The following MYO1A variants were observed in gnomAD, a reference collection of about 807,000 sequenced individuals.
MYO1A encodes the protein unconventional myosin-Ia.
Under a neutral mutation model 138.5 loss-of-function variants are expected in MYO1A, and 127 were observed. The observed-to-expected ratio is 0.92, with a 90% CI of 0.79 to 1.06. MYO1A has a LOEUF of 1.06. MYO1A is among the 50% of genes least tolerant of loss of function. The pLI is 0.00. For missense variants in MYO1A, 1,211 were observed against 1,288.8 expected, an observed-to-expected ratio of 0.94 and a Z score of 0.92; for synonymous variants, 477 against 497.5, an observed-to-expected ratio of 0.96 and a Z score of 0.55.
intron 22 of MYO1A, among the ~76,000 whole-genome samples, chr12:57,032,807 G>A (rs1289199644): frequency 6.6e-6 from 1 of 152,160 alleles, no homozygotes; most frequent in East Asian, 1.9e-4. Flanking sequence ...AACACCATTG[G>A]AGAATTTATA....
rs778478106 is a variant in MYO1A at position 57,048,246 on chromosome 12, C to A, written c.78G>T (p.Lys26Asn). ...TGTTTTCATAGCGAAGCTGAAGATT[C>A]TTGAGCAGTGACTCCTCCACCAAGG... ...LEPLVEESLL[K>N]NLQLRYENKE... is the part of the protein sequence containing the mutation. The change falls in exon 2 of 28, where the codon AAG becomes AAT. Residue 26 changes from lysine (K) to asparagine (N), a missense_variant. Physicochemically the swap from Lys to Asn is moderately conservative, Grantham distance 94. Transcript: ENST00000300119. 56 of 1,614,086 alleles carry A rather than the reference C, an allele frequency of 3.5e-5. 1 individual carries two copies. In the Admixed American group the frequency reaches 7.2e-4, roughly 21 times the overall value.
intron 6 of MYO1A, 23 bp from the exon 7 acceptor site, chr12:57,046,949 G>A (rs532746442): frequency 1.9e-6 from 3 of 1,613,306 alleles, no homozygotes; most frequent in South Asian, 2.2e-5. Context: ...ACCAGAGAGA[G>A]AGACTTAGCT....
intron 8 of MYO1A, 143 bp from the exon 9 acceptor site, chr12:57,044,352 C>G (rs2031000880): frequency 7.0e-6 from 5 of 714,434 alleles, no homozygotes; most frequent in Non-Finnish European, 5.0e-6. Flanking sequence ...TCCCCTGCCT[C>G]CTTTGTTTTG....
Position 57,047,091 on chromosome 12 carries a change from C to A in MYO1A, c.447G>T (p.Lys149Asn), listed in dbSNP as rs754193198. Residue 149 changes from lysine to asparagine, a missense_variant, in exon 6 of 28, where the codon AAG becomes AAT. Physicochemically the swap from Lys to Asn is moderately conservative, Grantham distance 94 (BLOSUM62 0). Transcript: ENST00000300119. The part of the protein sequence containing the change: ...NPVLEAFGNA[K>N]TIRNNNSSRF... ...GGGAGGAATTGTTGTTGCGAATGGT[C>A]TTGGCATTGCCAAAAGCTACAGAGA... is the stretch of plus-strand genomic sequence containing the variant. The A allele has an allele frequency of 9.9e-6, 16 of 1,614,064 alleles. No homozygotes were observed. The African/African-American group carries it at 1.6e-4, about 16-fold the overall frequency.
At chr12:57,031,687 A>AGAGCTTCAGAGCCCCC (rs2030295989) in intron 22 of MYO1A, among the ~76,000 whole-genome samples, 3 of 152,230 alleles carry the variant, frequency 2.0e-5, no homozygotes, top group African/African-American at 7.2e-5. Flanking sequence ...GAAGAGGCCC[A>AGAGCTTCAGAGCCCCC]GAGCTTCAGA....
chr12:57,037,359 C>T (rs1056723300), intron 19 of MYO1A, among the ~76,000 whole-genome samples, 189 bp downstream of exon 19: 16 of 152,198 alleles, frequency 1.1e-4, no homozygotes, highest in African/African-American at 3.6e-4. Context: ...CCAAGCTCCC[C>T]AGGCTCAGGG....
rs969552866 is a variant in MYO1A, at chr12:57,041,234, C to T, written c.1219G>A (p.Val407Met). The T allele has an allele frequency of 6.2e-6, 10 of 1,613,896 alleles. No homozygotes were observed. The highest frequency in any genetic ancestry group is 8.5e-6 in the Non-Finnish European group (10 of 1,180,036). Reference protein sequence around the residue: ...INYCNEKLQQVFIEMTLKEEQ... With the variant: ...INYCNEKLQQMFIEMTLKEEQ... ...TCTTTCAGGGTCATCTCTATGAACA[C>T]CTGCTGCAGCTTCTCATTGCAGTAG... Residue 407 changes from valine to methionine, a missense_variant, in exon 14 of 28, where the codon GTG (valine) becomes ATG (methionine). By Grantham distance (21) the Val-to-Met change is conservative. Transcript: ENST00000300119.
At chr12:57,047,758 C>G (rs1260359786) in intron 3 of MYO1A, 37 bp from the exon 4 acceptor site, 2 of 1,612,668 alleles carry the variant, frequency 1.2e-6, no homozygotes, top group African/African-American at 2.7e-5. Context: ...TATTGTGAAA[C>G]CAGTTCAAGA....
rs1297598229 is a variant in MYO1A at position 57,038,394 on chromosome 12, T to C, written c.1760+18A>G. Reference sequence around the variant, plus strand: ...CCATCACATATGTAGCATGTTCCCCTGCATGCCAGCATGTCACCTGATGTA... The same window carrying C: ...CCATCACATATGTAGCATGTTCCCCCGCATGCCAGCATGTCACCTGATGTA... On this transcript the variant is annotated intron_variant, in intron 17 of 27. Coordinates refer to ENST00000300119, the MANE Select transcript of MYO1A (RefSeq NM_005379.4). The C allele has an allele frequency of 6.2e-7, 1 of 1,612,728 alleles. No homozygotes were observed. Among genetic ancestry groups the C allele is most frequent in the Admixed American group, 1.7e-5 (1 of 60,028 alleles).
intron 14 of MYO1A, 38 bp from the exon 15 acceptor site, chr12:57,039,312 C>A: frequency 7.8e-6 from 12 of 1,529,162 alleles, no homozygotes; most frequent in Non-Finnish European, 1.1e-5. Flanking sequence ...GGAACACGTC[C>A]AAGACAAGCC....
intron 8 of MYO1A, 117 bp from the exon 9 acceptor site, chr12:57,044,326 T>C: frequency 1.2e-6 from 1 of 845,140 alleles, no homozygotes; most frequent in Non-Finnish European, 1.9e-6. Context: ...AAGGAGTCAT[T>C]TTTGTTTTGG....
chr12:57,043,090 T>G lies in MYO1A; in HGVS notation c.1080A>C (p.Arg360=). The part of the protein sequence containing the change: ...YSRLFDWIVN[R]INESIKVGIG... ...CACTTGCCTTGATGCTCTCATTGATTCGATTCACTATCCAGTCAAAGAGGC... is the reference window on the plus strand; with the variant it reads ...CACTTGCCTTGATGCTCTCATTGATGCGATTCACTATCCAGTCAAAGAGGC... The change falls in exon 12 of 28, where the codon CGA becomes CGC. Residue 360 remains arginine (R), a synonymous_variant. Coordinates refer to ENST00000300119, the MANE Select transcript of MYO1A (RefSeq NM_005379.4). 6.2e-7 allele frequency: 1 copy of G among 1,614,152 alleles called. No individual in the cohort carries two copies. Among genetic ancestry groups the G allele is most frequent in the Admixed American group, 1.7e-5 (1 of 60,024 alleles).
At position 57,037,854 on chromosome 12, in the gene MYO1A, C is replaced by T. The variant is rs372688253; in HGVS notation, c.1961+15G>A. 6.2e-7 allele frequency: 1 copy of T among 1,613,412 alleles called. No homozygotes were observed. Among genetic ancestry groups the T allele is most frequent in the East Asian group, 2.2e-5 (1 of 44,852 alleles). ...CTGCCCTTTCCTGATGCCCAGTCTC[C>T]CCATGGGGTCTTACCGGTCTCCCCC... is the stretch of plus-strand genomic sequence containing the variant. On this transcript the variant is annotated intron_variant, in intron 18 of 27. Coordinates refer to ENST00000300119, the MANE Select transcript of MYO1A (RefSeq NM_005379.4).
Position 57,029,845 on chromosome 12 carries a change from G to T in MYO1A, c.2619C>A (p.Tyr873Ter), listed in dbSNP as rs1309695201. ...QSVPIPFCGD[Y>*]IGLQGNPKLQ... is the part of the protein sequence containing the mutation. Reference sequence around the variant, plus strand: ...GCTTGGGGTTCCCTTGCAGCCCAATGTAGTCACCACAGAATGGAATGGGGA... The same window carrying T: ...GCTTGGGGTTCCCTTGCAGCCCAATTTAGTCACCACAGAATGGAATGGGGA... The change falls in exon 25 of 28, where the codon TAC (tyrosine) becomes TAA (stop). Residue 873 changes from tyrosine (Y) to a stop codon, truncating the protein, a stop_gained. Transcript: ENST00000300119. LOFTEE classifies it high-confidence loss of function. 3.5e-5 allele frequency: 57 copies of T among 1,614,062 alleles called. No homozygotes were observed. The highest frequency in any genetic ancestry group is 4.2e-5 in the Non-Finnish European group (50 of 1,180,046).
chr12:57,030,512 G>C (rs2030226725), intron 23 of MYO1A, among the ~76,000 whole-genome samples, 196 bp from the exon 24 acceptor site: 1 of 152,154 alleles, frequency 6.6e-6, no homozygotes, highest in Admixed American at 6.5e-5. Flanking sequence ...GAGGCTAGGG[G>C]AGGGAATGGA....
intron 16 of MYO1A, 58 bp downstream of exon 16, chr12:57,038,751 C>T: frequency 6.2e-7 from 1 of 1,611,278 alleles, no homozygotes; most frequent in Non-Finnish European, 8.5e-7. Context: ...GTTCCTCCCC[C>T]ATTGACTTCA....
At chr12:57,030,071 A>C in intron 24 of MYO1A, 139 bp downstream of exon 24, 1 of 1,216,008 alleles carries the variant, frequency 8.2e-7, no homozygotes, top group Non-Finnish European at 1.2e-6. Context: ...TCCTCACCCC[A>C]AGACCTGCTG....
chr12:57,039,301 G>T lies in MYO1A; in HGVS notation c.1270-27C>A, dbSNP rs558431599. ...TGGTCAGGGGAGACAACAAATTACA[G>T]GGAACACGTCCAAGACAAGCCTCCA... On this transcript the variant is annotated intron_variant, in intron 14 of 27. Transcript: ENST00000300119. The T allele has an allele frequency of 2.1e-5, 34 of 1,589,918 alleles. No individual in the cohort carries two copies. In the South Asian group the frequency reaches 3.3e-4, roughly 15 times the overall value.
chr12:57,029,954 C>T (rs557726767), intron 24 of MYO1A, 82 bp from the exon 25 acceptor site: 149 of 1,603,660 alleles, frequency 9.3e-5, no homozygotes, highest in African/African-American at 8.8e-4. Context: ...CTAGTCCTCC[C>T]GGGCCCTTCC....
Sources: allele counts gnomAD v4.1 joint callset (sites outside exome capture counted in the v4.1 genomes callset), GRCh38; gene constraint gnomAD v4.1.1; transcripts MANE v1.5; gene names NCBI Gene and HGNC (gene_info 2026-07-23, HGNC 2026-07-21).